The following ATAT1 variants were observed in gnomAD, a reference collection of about 807,000 sequenced individuals.
ATAT1 encodes the protein alpha tubulin acetyltransferase 1, also known as alpha-tubulin N-acetyltransferase 1.
Under a neutral mutation model 57.2 loss-of-function variants are expected in ATAT1, and 42 were observed. The ratio of observed to expected loss-of-function variants is 0.73; its 90% confidence interval spans 0.57 to 0.95. ATAT1 has a LOEUF of 0.95. Ranked by LOEUF, ATAT1 falls within the 40% of genes least tolerant of loss-of-function variation. The pLI is 0.00. For synonymous variants in ATAT1, 168 were observed against 187.1 expected, an observed-to-expected ratio of 0.90 and a Z score of 0.83; for missense variants, 454 against 523.7, an observed-to-expected ratio of 0.87 and a Z score of 1.30.
intron 2 of ATAT1, 33 bp from the exon 3 acceptor site, chr6:30,627,603 C>T (rs772407548): frequency 6.2e-7 from 1 of 1,610,514 alleles, no homozygotes; most frequent in Non-Finnish European, 8.5e-7. Context: ...TTCGGAGAGA[C>T]TTGCAGAAAG....
intron 9 of ATAT1, 48 bp downstream of exon 9, chr6:30,642,295 A>G (rs748625598): frequency 2.5e-6 from 4 of 1,609,886 alleles, no homozygotes; most frequent in Non-Finnish European, 3.4e-6. Flanking sequence ...ACCTTAACAC[A>G]AGGGAAGAGA....
rs138068210 is a variant in ATAT1, at chr6:30,628,007, A to G, written c.286-25A>G. On this transcript the variant is annotated intron_variant, in intron 4 of 12. Coordinates refer to ENST00000330083, the MANE Select transcript of ATAT1 (RefSeq NM_001031722.4). ...GCAGCAGAGATGCCGGGGTTCCTAAAACATTTTTATTGTTTCTCTCTTAGG... is the reference window on the plus strand; with the variant it reads ...GCAGCAGAGATGCCGGGGTTCCTAAGACATTTTTATTGTTTCTCTCTTAGG... 6.7e-4 allele frequency: 1,079 copies of G among 1,611,932 alleles called. 2 individuals carry two copies. Among genetic ancestry groups the G allele is most frequent in the African/African-American group, 4.6e-3 (346 of 74,984 alleles).
At position 30,643,905 on chromosome 6, in the gene ATAT1, T is replaced by C. The variant is rs1022326525; in HGVS notation, c.932+894T>C. 5 of 1,195,978 alleles carry C rather than the reference T, an allele frequency of 4.2e-6. No homozygotes were observed. In the African/African-American group the frequency reaches 7.7e-5, roughly 18 times the overall value. 74.1% of individuals were successfully genotyped at this position (1,195,978 alleles called of 1,614,324 possible). A position where few individuals can be genotyped will look rare whatever the true frequency, so the allele number is the denominator to read the frequency against. On this transcript the variant is annotated intron_variant, in intron 10 of 12. Transcript: ENST00000330083. Reference sequence around the variant, plus strand: ...CTTGCTGTCAAACTTTAGACCACCATGGAAGGTCTAAGGGCATCCTGTGCC... The same window carrying C: ...CTTGCTGTCAAACTTTAGACCACCACGGAAGGTCTAAGGGCATCCTGTGCC...
chr6:30,635,337 A>C (rs992182256), intron 6 of ATAT1, among the ~76,000 whole-genome samples: 1 of 151,596 alleles, frequency 6.6e-6, no homozygotes, highest in Non-Finnish European at 1.5e-5. Flanking sequence ...GGTGGCTCAC[A>C]CCTGTAATCC....
intron 10 of ATAT1, chr6:30,643,832 C>T (rs1397736037): frequency 3.0e-6 from 4 of 1,320,004 alleles, no homozygotes; most frequent in African/African-American, 1.5e-5. Context: ...TGTTGCCAGA[C>T]TTCTTGGTTA....
chr6:30,627,780 C>T, intron 3 of ATAT1, 53 bp downstream of exon 3: 1 of 1,604,914 alleles, frequency 6.2e-7, no homozygotes, highest in Non-Finnish European at 8.5e-7. Context: ...TTCCTCAGCC[C>T]TTCCCCCATC....
In ATAT1 at chr6:30,640,357, T is replaced by G. The variant is rs1765149114; in HGVS notation, c.502-20T>G. Reference sequence around the variant, plus strand: ...TCGTTAAGTGATGCATGATTGTATTTTGTTTGTTTCATCTTCCAGGTGAAC... The same window carrying G: ...TCGTTAAGTGATGCATGATTGTATTGTGTTTGTTTCATCTTCCAGGTGAAC... On this transcript the variant is annotated intron_variant, in intron 6 of 12. Transcript: ENST00000330083. 1.2e-6 allele frequency: 2 copies of G among 1,612,632 alleles called. No individual in the cohort carries two copies. Among genetic ancestry groups the G allele is most frequent in the Non-Finnish European group, 1.7e-6 (2 of 1,179,662 alleles).
chr6:30,643,096 G>A, intron 10 of ATAT1, 85 bp downstream of exon 10: 1 of 1,519,748 alleles, frequency 6.6e-7, no homozygotes, highest in Non-Finnish European at 8.8e-7. Context: ...ATCCATCAGA[G>A]AGATGGATCA....
intron 6 of ATAT1, chr6:30,633,633 T>G (rs1047890255): frequency 5.0e-6 from 1 of 201,042 alleles, no homozygotes; most frequent in Non-Finnish European, 1.1e-5. Flanking sequence ...TGCCCCACCA[T>G]GTCAGAGGCA....
chr6:30,642,833 G>GCGCCC lies in ATAT1; in HGVS notation c.755_756insGCCCC (p.His253ProfsTer68). 3.9e-6 allele frequency: 6 copies of GCGCCC among 1,537,874 alleles called. No individual in the cohort carries two copies. Among genetic ancestry groups the GCGCCC allele is most frequent in the South Asian group, 2.3e-5 (2 of 86,356 alleles). The stretch of plus-strand genomic sequence containing the variant: ...GGCCCCTCGCCGCGCCACACCTCCA[G>GCGCCC]CCCACCCACCCCCCCGCTCCAGCAG... On this transcript the variant is annotated frameshift_variant, in exon 10 of 13. Coordinates refer to ENST00000330083, the MANE Select transcript of ATAT1 (RefSeq NM_001031722.4). LOFTEE classifies it high-confidence loss of function.
chr6:30,641,784 C>T (rs1765505873), intron 8 of ATAT1: 5 of 1,031,672 alleles, frequency 4.8e-6, no homozygotes, highest in Non-Finnish European at 5.8e-6. Flanking sequence ...TCCATCTCAT[C>T]CAGAGGAACC....
At position 30,643,274 on chromosome 6, in the gene ATAT1, T is replaced by A. The variant is rs1765919363; in HGVS notation, c.932+263T>A. On this transcript the variant is annotated intron_variant, in intron 10 of 12. Coordinates refer to ENST00000330083, the MANE Select transcript of ATAT1 (RefSeq NM_001031722.4). ...TGGAATGGTAGGAAGAACACCGAGATCCATCGAGTTGGGGGAACAGAGCCT... is the reference window on the plus strand; with the variant it reads ...TGGAATGGTAGGAAGAACACCGAGAACCATCGAGTTGGGGGAACAGAGCCT... 9.1e-6 allele frequency: 13 copies of A among 1,420,804 alleles called. No homozygotes were observed. The South Asian group carries it at 2.1e-4, about 23-fold the overall frequency. 88.0% of individuals were successfully genotyped at this position (1,420,804 alleles called of 1,614,324 possible). A position where few individuals can be genotyped will look rare whatever the true frequency, so the allele number is the denominator to read the frequency against.
rs775670113 is a variant in ATAT1 at position 30,627,763 on chromosome 6, T to C, written c.224+36T>C. On this transcript the variant is annotated intron_variant, in intron 3 of 12. Coordinates refer to ENST00000330083, the MANE Select transcript of ATAT1 (RefSeq NM_001031722.4). The stretch of plus-strand genomic sequence containing the variant: ...CATGCTCTTCCATCCCATACTTAAT[T>C]CCTTCCTTCCTCAGCCCTTCCCCCA... 3 of 1,605,788 alleles carry C rather than the reference T, an allele frequency of 1.9e-6. No individual in the cohort carries two copies. In the South Asian group the frequency reaches 3.3e-5, roughly 18 times the overall value.
At chr6:30,642,498 C>G (rs1765667529) in intron 9 of ATAT1, among the ~76,000 whole-genome samples, 1 of 152,060 alleles carries the variant, frequency 6.6e-6, no homozygotes, top group African/African-American at 2.4e-5. Flanking sequence ...CAAAAATTAG[C>G]TGGGCACGGT....
chr6:30,640,336 T>C (rs1582845961), intron 6 of ATAT1, 41 bp from the exon 7 acceptor site: 1 of 1,604,576 alleles, frequency 6.2e-7, no homozygotes, highest in South Asian at 1.1e-5. Context: ...TCCCCATCGT[T>C]AAGTGATGCA....
chr6:30,641,887 C>T, intron 8 of ATAT1: 1 of 1,239,928 alleles, frequency 8.1e-7, no homozygotes, highest in Non-Finnish European at 1.0e-6. Flanking sequence ...GCTCACTTCC[C>T]TTGGCTGCCC....
At chr6:30,641,899 TCTC>T in intron 8 of ATAT1, 2 of 1,260,670 alleles carry the variant, frequency 1.6e-6, no homozygotes, top group Non-Finnish European at 2.0e-6. Flanking sequence ...TGGCTGCCCT[TCTC>T]CTGCATCTCC....
chr6:30,642,833 G>GGGGGGGGGGGGGCCCCCCCCCCCCCCCC lies in ATAT1; in HGVS notation c.754_755insGGGGGGGGGGGGCCCCCCCCCCCCCCCC (p.Ala252GlyfsTer57). ...GGCCCCTCGCCGCGCCACACCTCCA[G>GGGGGGGGGGGGGCCCCCCCCCCCCCCCC]CCCACCCACCCCCCCGCTCCAGCAG... is the stretch of plus-strand genomic sequence containing the variant. On this transcript the variant is annotated frameshift_variant, in exon 10 of 13. Transcript: ENST00000330083. LOFTEE classifies it high-confidence loss of function. 6.5e-7 allele frequency: 1 copy of GGGGGGGGGGGGGCCCCCCCCCCCCCCCC among 1,537,876 alleles called. No homozygotes were observed. The highest frequency in any genetic ancestry group is 2.4e-5 in the East Asian group (1 of 42,460).
At chr6:30,641,108 T>TAC (rs758048769) in intron 8 of ATAT1, among the ~76,000 whole-genome samples, 22,343 of 146,652 alleles carry the variant, frequency 0.15, 1,852 homozygotes, top group East Asian at 0.3. Flanking sequence ...CCATCCCATA[T>TAC]ACACACATAC....
Sources: allele counts gnomAD v4.1 joint callset (sites outside exome capture counted in the v4.1 genomes callset), GRCh38; gene constraint gnomAD v4.1.1; transcripts MANE v1.5; gene names NCBI Gene and HGNC (gene_info 2026-07-23, HGNC 2026-07-21).